The following WDPCP variants were observed in gnomAD, a reference collection of about 807,000 sequenced individuals.
WDPCP encodes the protein WD repeat-containing and planar cell polarity effector protein fritz homolog.
In WDPCP, 71 loss-of-function variants were observed where a neutral mutation model predicts 93.1. The observed-to-expected ratio is 0.76, with a 90% CI of 0.63 to 0.93. The LOEUF (loss-of-function observed/expected upper bound fraction) is 0.93, where lower values mean the gene tolerates loss of function less well. Among genes scored for constraint, WDPCP ranks in the 40% least tolerant of loss-of-function variants. The pLI is 0.00. For synonymous variants in WDPCP, 315 were observed against 315.0 expected, an observed-to-expected ratio of 1.00 and a Z score of 0.00; for missense variants, 844 against 887.4, an observed-to-expected ratio of 0.95 and a Z score of 0.62.
chr2:63,521,544 A>G (rs1226458117), intron 1 of WDPCP, among the ~76,000 whole-genome samples: 1 of 152,244 alleles, frequency 6.6e-6, no homozygotes, highest in East Asian at 1.9e-4. Flanking sequence ...TTAGAAATCT[A>G]CAAAGAGACT....
intron 14 of WDPCP, among the ~76,000 whole-genome samples, chr2:63,214,390 G>C (rs1464609893): frequency 6.6e-6 from 1 of 152,184 alleles, no homozygotes; most frequent in African/African-American, 2.4e-5. Flanking sequence ...TATCTCAATA[G>C]ATGTAGAAAA....
intron 14 of WDPCP, among the ~76,000 whole-genome samples, chr2:63,246,970 G>A (rs921071869): frequency 6.6e-6 from 1 of 152,172 alleles, no homozygotes. Flanking sequence ...AAGTGACACT[G>A]TGAAAATGTG....
intron 17 of WDPCP, among the ~76,000 whole-genome samples, chr2:63,144,193 C>A (rs547202648): frequency 6.6e-6 from 1 of 152,164 alleles, no homozygotes; most frequent in East Asian, 1.9e-4. Flanking sequence ...ACCTTGTTTT[C>A]GAGCTCTGAA....
At chr2:63,792,998 A>G (rs1342243413) in intron 2 of WDPCP, among the ~76,000 whole-genome samples, 8 of 152,192 alleles carry the variant, frequency 5.3e-5, no homozygotes, top group Non-Finnish European at 1.0e-4. Context: ...CTCAAGAGGT[A>G]TGCTCTCCTC....
chr2:63,170,030 C>A (rs1352572130), intron 15 of WDPCP, among the ~76,000 whole-genome samples: 1 of 151,200 alleles, frequency 6.6e-6, no homozygotes, highest in East Asian at 2.0e-4. Context: ...GTAGCTGGGA[C>A]TGCAGGCGTG....
intron 6 of WDPCP, among the ~76,000 whole-genome samples, chr2:63,479,867 G>C (rs1392443278): frequency 1.3e-5 from 2 of 152,044 alleles, no homozygotes; most frequent in African/African-American, 4.8e-5. Context: ...AATAGTACTG[G>C]AAGTCTCAGC....
At chr2:63,821,656 A>G (rs1212144196) in intron 1 of WDPCP, among the ~76,000 whole-genome samples, 2 of 152,064 alleles carry the variant, frequency 1.3e-5, no homozygotes, top group African/African-American at 4.8e-5. Context: ...TCAGACAAAA[A>G]TCTAGTTAGG....
chr2:63,332,351 A>G (rs955545495), intron 12 of WDPCP, among the ~76,000 whole-genome samples: 7 of 152,126 alleles, frequency 4.6e-5, no homozygotes, highest in African/African-American at 1.4e-4. Flanking sequence ...TATATATCCA[A>G]GAGCAACACA....
chr2:63,536,748 T>C (rs919785630), intron 1 of WDPCP, among the ~76,000 whole-genome samples: 9 of 141,468 alleles, frequency 6.4e-5, no homozygotes, highest in Non-Finnish European at 1.2e-4. Context: ...CAAAAAAAAA[T>C]GGTAAAAATC....
intron 12 of WDPCP, among the ~76,000 whole-genome samples, chr2:63,370,361 C>T (rs931804214): frequency 3.3e-5 from 5 of 152,206 alleles, no homozygotes; most frequent in South Asian, 2.1e-4. Flanking sequence ...GCCTTTTCAT[C>T]CTTTCCCTAA....
chr2:63,211,472 T>C (rs904281434), intron 14 of WDPCP, among the ~76,000 whole-genome samples: 2 of 152,028 alleles, frequency 1.3e-5, no homozygotes, highest in Non-Finnish European at 1.5e-5. Flanking sequence ...GTCAACATCA[T>C]CAAATACCAA....
chr2:63,139,749 C>T (rs1404601805), intron 17 of WDPCP, among the ~76,000 whole-genome samples: 1 of 152,014 alleles, frequency 6.6e-6, no homozygotes, highest in Non-Finnish European at 1.5e-5. Flanking sequence ...AGATTTTCTC[C>T]CACTCTGTGG....
rs574768600 is a variant in WDPCP, at chr2:63,317,517, C to A, written c.1749-4206G>T. ...TCAGGTTATGCACTTCGAACTCCTA[C>A]AAAGCTACAGTAAACTAAGCAGCAT... On this transcript the variant is annotated intron_variant, in intron 12 of 17. Transcript: ENST00000272321. 1.1e-4 allele frequency among the ~76,000 whole-genome samples: 16 copies of A among 152,012 alleles called. 1 individual carries two copies. Among genetic ancestry groups the A allele is most frequent in the African/African-American group, 3.6e-4 (15 of 41,478 alleles).
In WDPCP at chr2:63,655,271, T is replaced by G. The variant is rs1357974752; in HGVS notation, n.309-4433A>C. On this transcript the variant is annotated intron_variant and non_coding_transcript_variant, in intron 2 of 4. Coordinates refer to the WDPCP transcript ENST00000467687. ...CACCAAATGAGAACTTGGTGAGCAT[T>G]GCTCTCTCTTCGTATTACCCCCTTC... Among the ~76,000 whole-genome samples the G allele has an allele frequency of 2.6e-5, 4 of 152,176 alleles. No homozygotes were observed. The East Asian group carries it at 7.7e-4, about 29-fold the overall frequency.
upstream of WDPCP, among the ~76,000 whole-genome samples, chr2:63,830,683 A>T (rs1671178728): frequency 1.3e-5 from 2 of 152,066 alleles, no homozygotes; most frequent in South Asian, 4.1e-4. Context: ...AACTGGCCAT[A>T]TCTGATACTC....
intron 2 of WDPCP, among the ~76,000 whole-genome samples, chr2:63,754,538 T>C (rs1202643928): frequency 6.6e-6 from 1 of 152,200 alleles, no homozygotes; most frequent in African/African-American, 2.4e-5. Context: ...AAGGAAGAAA[T>C]AGAATACAAA....
chr2:63,315,125 G>T (rs1356141379), intron 12 of WDPCP, among the ~76,000 whole-genome samples: 1 of 152,064 alleles, frequency 6.6e-6, no homozygotes, highest in Admixed American at 6.6e-5. Flanking sequence ...TACCAAGGGG[G>T]CCATATCCTC....
chr2:63,524,183 C>T (rs574222395), intron 1 of WDPCP, among the ~76,000 whole-genome samples: 2 of 152,238 alleles, frequency 1.3e-5, no homozygotes, highest in South Asian at 4.2e-4. Flanking sequence ...GCCATACTGC[C>T]CATAAGCAAT....
intron 13 of WDPCP, among the ~76,000 whole-genome samples, chr2:63,305,322 A>G (rs999711562): frequency 3.3e-5 from 5 of 152,182 alleles, no homozygotes; most frequent in East Asian, 1.9e-4. Flanking sequence ...GCAGGGGTCA[A>G]TAGACACCTC....
Sources: gnomAD v4.1 joint callset for allele counts (sites outside exome capture counted in the v4.1 genomes callset) on GRCh38, gnomAD v4.1.1 for gene constraint, MANE v1.5 for transcripts, NCBI Gene and HGNC (gene_info 2026-07-23, HGNC 2026-07-21) for gene names.